Variants in PPP3CB observed in about 807,000 individuals in gnomAD.
PPP3CB encodes protein phosphatase 3 catalytic subunit beta, also known as serine/threonine-protein phosphatase 2B catalytic subunit beta isoform.
PPP3CB carries 8 observed loss-of-function variants against 66.4 expected under a neutral mutation model. That is an observed-to-expected ratio of 0.12 (90% CI 0.07 to 0.22). The LOEUF is 0.22. PPP3CB is among the 10% of genes least tolerant of loss of function. PPP3CB has a pLI of 1.00. For missense variants in PPP3CB, 319 were observed against 642.5 expected (o/e 0.50, Z 5.44); for synonymous variants, 208 against 221.2 (o/e 0.94, Z 0.53).
chr10:73,469,178 A>T (rs768715821), intron 8 of PPP3CB, among the ~76,000 whole-genome samples: 1 of 152,212 alleles, frequency 6.6e-6, no homozygotes. Flanking sequence ...AATATTAACA[A>T]GAGGAAGTCA....
At chr10:73,491,969 A>AAAAT (rs141837688) in intron 1 of PPP3CB, among the ~76,000 whole-genome samples, 10,741 of 151,236 alleles carry the variant, frequency 0.071, 591 homozygotes, top group East Asian at 0.29. Context: ...CTCCATCTCA[A>AAAAT]AAATAAATAA....
intron 5 of PPP3CB, 73 bp from the exon 6 acceptor site, chr10:73,471,282 A>T: frequency 6.9e-7 from 1 of 1,457,858 alleles, no homozygotes. Flanking sequence ...TAGGAAAACG[A>T]TACCAACTTT....
At chr10:73,447,938 G>C (rs1447305201) in intron 10 of PPP3CB, among the ~76,000 whole-genome samples, 3 of 149,822 alleles carry the variant, frequency 2.0e-5, no homozygotes, top group Non-Finnish European at 4.4e-5. Context: ...AAAAATATAA[G>C]AATCATAGAA....
chr10:73,447,111 G>A (rs2056269506), intron 10 of PPP3CB, among the ~76,000 whole-genome samples: 1 of 152,216 alleles, frequency 6.6e-6, no homozygotes, highest in African/African-American at 2.4e-5. Flanking sequence ...GCATGAAGGA[G>A]CTACTGTGCA....
At chr10:73,452,125 ACT>A (rs2132818368) in intron 10 of PPP3CB, among the ~76,000 whole-genome samples, 1 of 152,136 alleles carries the variant, frequency 6.6e-6, no homozygotes, top group Admixed American at 6.5e-5. Context: ...ATCAATTAAA[ACT>A]CTCACTAAAT....
chr10:73,495,898 C>T lies in PPP3CB; in HGVS notation c.-9G>A. The T allele has an allele frequency of 2.5e-6, 1 of 399,924 alleles. No individual in the cohort carries two copies. Among genetic ancestry groups the T allele is most frequent in the Non-Finnish European group, 3.7e-6 (1 of 272,400 alleles). The allele number at this position is 399,924 out of a possible 1,614,324, so 24.8% of individuals were successfully genotyped here. On this transcript the variant is annotated 5_prime_UTR_variant, in exon 1 of 14. Transcript: ENST00000360663. Reference sequence around the variant, plus strand: ...GGCTCCGGGGCGGCCATGCTGGGCCCGGGGCTCGGCTAGGCTCTGGGCCGG... The same window carrying T: ...GGCTCCGGGGCGGCCATGCTGGGCCTGGGGCTCGGCTAGGCTCTGGGCCGG...
At chr10:73,484,841 CAGG>C (rs1194588404) in intron 1 of PPP3CB, among the ~76,000 whole-genome samples, 2 of 151,980 alleles carry the variant, frequency 1.3e-5, no homozygotes, top group Non-Finnish European at 2.9e-5. Flanking sequence ...CACCTGAGGT[CAGG>C]AGGTCAAGAC....
intron 12 of PPP3CB, among the ~76,000 whole-genome samples, chr10:73,443,007 A>G (rs1188089422): frequency 6.6e-6 from 1 of 151,524 alleles, no homozygotes; most frequent in African/African-American, 2.4e-5. Flanking sequence ...AGCCTGGGCA[A>G]TACAAAAATA....
intron 1 of PPP3CB, among the ~76,000 whole-genome samples, chr10:73,489,836 C>T (rs1172277740): frequency 1.3e-5 from 2 of 152,148 alleles, no homozygotes; most frequent in Admixed American, 1.3e-4. Context: ...AAACTCCATG[C>T]CTTTCTGCTT....
intron 1 of PPP3CB, among the ~76,000 whole-genome samples, chr10:73,480,855 T>C (rs1051542992): frequency 2.0e-5 from 3 of 152,196 alleles, no homozygotes; most frequent in African/African-American, 7.2e-5. Flanking sequence ...AACTGTACTG[T>C]TTTTAAGTGA....
chr10:73,469,968 C>G (rs1390313178), intron 8 of PPP3CB, among the ~76,000 whole-genome samples: 1 of 152,200 alleles, frequency 6.6e-6, no homozygotes, highest in African/African-American at 2.4e-5. Flanking sequence ...TACCCAATCT[C>G]ATCTTCAATG....
intron 1 of PPP3CB, among the ~76,000 whole-genome samples, chr10:73,493,202 G>T (rs1389817301): frequency 5.3e-5 from 8 of 151,858 alleles, no homozygotes; most frequent in African/African-American, 1.9e-4. Context: ...CTTGAACCCA[G>T]GAGGCAGAGG....
At chr10:73,446,378 G>A in intron 11 of PPP3CB, 114 bp downstream of exon 11, 1 of 960,206 alleles carries the variant, frequency 1.0e-6, no homozygotes, top group Non-Finnish European at 1.6e-6. Flanking sequence ...GAGATTACAG[G>A]AGTGTGCCAC....
Position 73,470,882 on chromosome 10 carries a change from C to A in PPP3CB, c.887+5G>T. ...TAATTTGGGTCAGGGAAACAGAATT[C>A]TTACCCTGCATCTTGAGCTTCATGA... is the stretch of plus-strand genomic sequence containing the variant. On this transcript the variant is annotated splice_donor_5th_base_variant and intron_variant, in intron 7 of 13. Coordinates refer to ENST00000360663, the MANE Select transcript of PPP3CB (RefSeq NM_021132.4). 1 of 1,610,938 alleles carries A rather than the reference C, an allele frequency of 6.2e-7. No individual in the cohort carries two copies. The highest frequency in any genetic ancestry group is 1.1e-5 in the South Asian group (1 of 90,532).
rs1321503117 is a variant in PPP3CB at position 73,437,043 on chromosome 10, G to C, written c.*1199C>G. On this transcript the variant is annotated 3_prime_UTR_variant, in exon 14 of 14. Coordinates refer to ENST00000360663, the MANE Select transcript of PPP3CB (RefSeq NM_021132.4). ...CAAACTACAGTGGCAATCAATACAG[G>C]TCAATAATTGTGAAAAATTAGCACA... is the stretch of plus-strand genomic sequence containing the variant. The C allele has an allele frequency of 1.3e-5, 2 of 152,604 alleles. No individual in the cohort carries two copies. The highest frequency in any genetic ancestry group is 1.3e-4 in the Admixed American group (2 of 15,276). 9.5% of individuals were successfully genotyped at this position (152,604 alleles called of 1,614,324 possible).
In PPP3CB at chr10:73,471,673, A is replaced by T. The variant is rs1162796365; in HGVS notation, c.524-60T>A. ...ACTGGTGGTGGTGTGACCATTTTAA[A>T]AACATATATATTAGATTTTTATTTC... On this transcript the variant is annotated intron_variant, in intron 4 of 13. Coordinates refer to ENST00000360663, the MANE Select transcript of PPP3CB (RefSeq NM_021132.4). 4.6e-6 allele frequency: 6 copies of T among 1,309,220 alleles called. No homozygotes were observed. In the Admixed American group the frequency reaches 9.2e-5, roughly 20 times the overall value. 81.1% of individuals were successfully genotyped at this position (1,309,220 alleles called of 1,614,324 possible). A position where few individuals can be genotyped will look rare whatever the true frequency, so the allele number is the denominator to read the frequency against.
chr10:73,476,454 TA>T (rs1481240313), intron 3 of PPP3CB, among the ~76,000 whole-genome samples: 1 of 151,806 alleles, frequency 6.6e-6, no homozygotes, highest in Non-Finnish European at 1.5e-5. Flanking sequence ...CCATCTCTAT[TA>T]AAAATACAAA....
At chr10:73,467,170 C>T (rs1179608149) in intron 9 of PPP3CB, 1 of 152,256 alleles carries the variant, frequency 6.6e-6, no homozygotes, top group Non-Finnish European at 1.5e-5. Context: ...ATGAAGGCTA[C>T]TAAATTTCCC....
Position 73,489,349 on chromosome 10 carries a change from T to C in PPP3CB, c.85+6456A>G, listed in dbSNP as rs576258634. On this transcript the variant is annotated intron_variant, in intron 1 of 13. Coordinates refer to ENST00000360663, the MANE Select transcript of PPP3CB (RefSeq NM_021132.4). ...CTCCAATAATTTGTTGCACACAATA[T>C]GGCCAGAATTAGCCATCAAAAAACA... is the stretch of plus-strand genomic sequence containing the variant. 2.0e-5 allele frequency among the ~76,000 whole-genome samples: 3 copies of C among 152,160 alleles called. No homozygotes were observed. The East Asian group carries it at 5.8e-4, about 29-fold the overall frequency.
Sources: allele counts gnomAD v4.1 joint callset (sites outside exome capture counted in the v4.1 genomes callset), GRCh38; gene constraint gnomAD v4.1.1; transcripts MANE v1.5; gene names NCBI Gene and HGNC (gene_info 2026-07-23, HGNC 2026-07-21).